The following SLC9B2 variants were observed in gnomAD, a reference collection of about 807,000 sequenced individuals.
SLC9B2 encodes sodium/hydrogen exchanger 9B2.
A neutral mutation model predicts 52.2 loss-of-function variants in SLC9B2; 39 were observed. The observed-to-expected ratio is 0.75, with a 90% confidence interval of 0.58 to 0.98. The LOEUF is 0.98. SLC9B2 is among the 50% of genes least tolerant of loss of function. The probability of loss-of-function intolerance (pLI) is 0.00; values close to 1 mark genes in which losing one functional copy is unlikely to be tolerated. For synonymous variants in SLC9B2, 214 were observed against 227.0 expected (o/e 0.94, Z 0.51); for missense variants, 626 against 637.5 (o/e 0.98, Z 0.19).
intron 10 of SLC9B2, 50 bp from the exon 11 acceptor site, chr4:103,028,933 C>A: frequency 7.0e-7 from 1 of 1,423,046 alleles, no homozygotes; most frequent in South Asian, 1.5e-5. Context: ...AGGAGAGAAA[C>A]TGCATCTCAT....
intron 9 of SLC9B2, among the ~76,000 whole-genome samples, chr4:103,036,837 T>C (rs544578482): frequency 1.3e-5 from 2 of 152,240 alleles, no homozygotes; most frequent in South Asian, 4.1e-4. Context: ...ACAGATTTTC[T>C]CATAACTGAA....
In SLC9B2 at chr4:103,076,446, C is replaced by T. The variant is rs549297389; in HGVS notation, c.-305G>A. On this transcript the variant is annotated 5_prime_UTR_variant, in exon 1 of 12. Transcript: ENST00000394785. Reference sequence around the variant, plus strand: ...CGACCCGTCGGCGCCGGTACAGGCTCCGGAGTAAGCATGGGTTGGTCCGGG... The same window carrying T: ...CGACCCGTCGGCGCCGGTACAGGCTTCGGAGTAAGCATGGGTTGGTCCGGG... 6.6e-6 allele frequency: 1 copy of T among 152,386 alleles called. No homozygotes were observed. The highest frequency in any genetic ancestry group is 2.1e-4 in the South Asian group (1 of 4,832). 9.4% of individuals were successfully genotyped at this position (152,386 alleles called of 1,614,324 possible). A position where few individuals can be genotyped will look rare whatever the true frequency, so the allele number is the denominator to read the frequency against.
In SLC9B2 at chr4:103,035,207, G is replaced by T. The variant is rs6812031; in HGVS notation, c.1147-3399C>A. 9.2e-3 allele frequency among the ~76,000 whole-genome samples: 1,399 copies of T among 152,154 alleles called. 20 individuals are homozygous for T. The highest frequency in any genetic ancestry group is 0.032 in the African/African-American group (1,338 of 41,516). On this transcript the variant is annotated intron_variant, in intron 9 of 11. Transcript: ENST00000394785. ...TGTGTCCATGTGTTCTCATCATTTAGCTCCCACTTATAAGTGAAAACGTGG... is the reference window on the plus strand; with the variant it reads ...TGTGTCCATGTGTTCTCATCATTTATCTCCCACTTATAAGTGAAAACGTGG...
At chr4:103,044,664 G>A (rs527762307) in intron 8 of SLC9B2, among the ~76,000 whole-genome samples, 1 of 152,292 alleles carries the variant, frequency 6.6e-6, no homozygotes, top group Non-Finnish European at 1.5e-5. Flanking sequence ...TTTTACAGTG[G>A]AATTTGAAAT....
At chr4:103,066,052 AG>A in intron 3 of SLC9B2, among the ~76,000 whole-genome samples, 1 of 152,222 alleles carries the variant, frequency 6.6e-6, no homozygotes, top group Admixed American at 6.5e-5. Context: ...GATATAGTAA[AG>A]GAAAAGGTCC....
At chr4:103,027,513 TCA>T (rs1212928423) in intron 11 of SLC9B2, among the ~76,000 whole-genome samples, 1 of 152,160 alleles carries the variant, frequency 6.6e-6, no homozygotes, top group African/African-American at 2.4e-5. Flanking sequence ...ATGAAAATTC[TCA>T]GTTTCTTTTA....
At chr4:103,019,629 C>T (rs1270122992), downstream of SLC9B2, 4 of 985,360 alleles carry the variant, frequency 4.1e-6, no homozygotes, top group African/African-American at 5.2e-5. Flanking sequence ...CTCGCTGGCC[C>T]GGGAGCGGCC....
At position 103,026,242 on chromosome 4, in the gene SLC9B2, TG is replaced by T; in HGVS notation, c.*127del. On this transcript the variant is annotated 3_prime_UTR_variant, in exon 12 of 12. Transcript: ENST00000394785. ...TGGAAAGAGCAAGGGCTAAAAATGC[TG>T]TTTAAAGAAACAGCTACACTTTTGG... 1.2e-6 allele frequency: 1 copy of T among 820,786 alleles called. No homozygotes were observed. The highest frequency in any genetic ancestry group is 1.9e-6 in the Non-Finnish European group (1 of 529,058). 50.8% of individuals were successfully genotyped at this position (820,786 alleles called of 1,614,324 possible).
downstream of SLC9B2, among the ~76,000 whole-genome samples, chr4:103,021,485 T>TA (rs11387839): frequency 0.57 from 86,986 of 151,938 alleles, 26,091 homozygotes; most frequent in African/African-American, 0.77. Context: ...AATTTACTAA[T>TA]AAAAAACATT....
chr4:103,032,348 G>A (rs143752706), intron 9 of SLC9B2, among the ~76,000 whole-genome samples: 1 of 152,126 alleles, frequency 6.6e-6, no homozygotes, highest in Non-Finnish European at 1.5e-5. Flanking sequence ...ACTGTTTAAG[G>A]TTATCTCAAA....
At chr4:103,043,782 G>C (rs1052053373) in intron 8 of SLC9B2, among the ~76,000 whole-genome samples, 1 of 152,142 alleles carries the variant, frequency 6.6e-6, no homozygotes, top group Non-Finnish European at 1.5e-5. Flanking sequence ...TACATTGTTG[G>C]TGTATGTAGT....
chr4:103,073,677 T>C (rs982777304), intron 1 of SLC9B2, among the ~76,000 whole-genome samples: 1 of 152,218 alleles, frequency 6.6e-6, no homozygotes, highest in Non-Finnish European at 1.5e-5. Context: ...AAACACTATA[T>C]AATGAGATAA....
In SLC9B2 at chr4:103,047,050, C is replaced by A; in HGVS notation, c.889+1G>T. The A allele has an allele frequency of 6.2e-7, 1 of 1,613,646 alleles. No homozygotes were observed. The highest frequency in any genetic ancestry group is 1.1e-5 in the South Asian group (1 of 91,030). On this transcript the variant is annotated splice_donor_variant, in intron 7 of 11. Transcript: ENST00000394785. LOFTEE classifies it high-confidence loss of function. ...AGCCTGTTGTGAACTGATTAGGTTA[C>A]CTGTGGAAAAGGCTATGCCCAAGCA...
At chr4:103,045,048 G>C (rs544838399) in intron 7 of SLC9B2, 52 bp from the exon 8 acceptor site, 42 of 1,176,174 alleles carry the variant, frequency 3.6e-5, no homozygotes, top group Non-Finnish European at 5.2e-5. Context: ...AAATACACAG[G>C]TTTTATTCCA....
At position 103,026,310 on chromosome 4, in the gene SLC9B2, G is replaced by T; in HGVS notation, c.*60C>A. ...GCTTAAACATTACATATTTCAATAT[G>T]CATCTTGAAAAAAGTAGCAGCTTTC... is the stretch of plus-strand genomic sequence containing the variant. On this transcript the variant is annotated 3_prime_UTR_variant, in exon 12 of 12. Transcript: ENST00000394785. 1.5e-6 allele frequency: 2 copies of T among 1,373,724 alleles called. No individual in the cohort carries two copies. Among genetic ancestry groups the T allele is most frequent in the Non-Finnish European group, 2.0e-6 (2 of 1,000,838 alleles). The allele number at this position is 1,373,724 out of a possible 1,614,324, so 85.1% of individuals were successfully genotyped here. A position where few individuals can be genotyped will look rare whatever the true frequency, so the allele number is the denominator to read the frequency against.
intron 3 of SLC9B2, 65 bp from the exon 4 acceptor site, chr4:103,058,036 T>A: frequency 7.4e-7 from 1 of 1,355,220 alleles, no homozygotes; most frequent in Non-Finnish European, 1.0e-6. Context: ...TGACAAAATC[T>A]AAAATAATTT....
chr4:103,045,534 T>G (rs77444253), intron 7 of SLC9B2, among the ~76,000 whole-genome samples: 2 of 149,714 alleles, frequency 1.3e-5, no homozygotes, highest in African/African-American at 4.9e-5. Context: ...AAAAAAAAAG[T>G]CTTGGGCCCC....
chr4:103,041,513 C>G (rs1356201881), intron 9 of SLC9B2, among the ~76,000 whole-genome samples: 3 of 152,110 alleles, frequency 2.0e-5, no homozygotes, highest in Non-Finnish European at 4.4e-5. Flanking sequence ...TTTCTGTGCT[C>G]TTATCCAGTG....
At chr4:103,047,336 C>CTTT in intron 6 of SLC9B2, 110 bp from the exon 7 acceptor site, 1 of 688,538 alleles carries the variant, frequency 1.5e-6, no homozygotes, top group Non-Finnish European at 2.0e-6. Context: ...AACAGTCTTT[C>CTTT]TTTTTTTTTT....
Sources: gnomAD v4.1 joint callset for allele counts (sites outside exome capture counted in the v4.1 genomes callset) on GRCh38, gnomAD v4.1.1 for gene constraint, MANE v1.5 for transcripts, NCBI Gene and HGNC (gene_info 2026-07-23, HGNC 2026-07-21) for gene names.